Variants in RSPRY1 observed in about 807,000 individuals in gnomAD.
The protein encoded by RSPRY1 is ring finger and SPRY domain containing 1.
Under a neutral mutation model 73.1 loss-of-function variants are expected in RSPRY1, and 23 were observed. The observed-to-expected ratio is 0.31, with a 90% CI of 0.23 to 0.45. The LOEUF is 0.45. Ranked by LOEUF, RSPRY1 falls within the 20% of genes least tolerant of loss-of-function variation. The pLI is 1.00. For synonymous variants in RSPRY1, 226 were observed against 251.4 expected, an observed-to-expected ratio of 0.90 and a Z score of 0.95; for missense variants, 448 against 698.7, an observed-to-expected ratio of 0.64 and a Z score of 4.05.
chr16:57,204,558 C>T lies in RSPRY1; in HGVS notation c.-101C>T. On this transcript the variant is annotated 5_prime_UTR_variant, in exon 2 of 15. Transcript: ENST00000394420. The stretch of plus-strand genomic sequence containing the variant: ...TAGTTGATAATGTTGGGAATAAGCT[C>T]TGCAACTTTCTTTGGCATTCAGTTG... 1 of 1,027,716 alleles carries T rather than the reference C, an allele frequency of 9.7e-7. No homozygotes were observed. Among genetic ancestry groups the T allele is most frequent in the South Asian group, 1.5e-5 (1 of 68,856 alleles). The allele number at this position is 1,027,716 out of a possible 1,614,324, so 63.7% of individuals were successfully genotyped here.
At chr16:57,202,054 G>C (rs1176419787) in intron 1 of RSPRY1, among the ~76,000 whole-genome samples, 8 of 152,140 alleles carry the variant, frequency 5.3e-5, no homozygotes, top group Non-Finnish European at 1.0e-4. Context: ...GAGCAGGATA[G>C]CTCACACCCG....
intron 3 of RSPRY1, among the ~76,000 whole-genome samples, chr16:57,208,400 A>ATTTTTTT (rs1455912780): frequency 2.0e-5 from 1 of 50,132 alleles, no homozygotes; most frequent in Non-Finnish European, 3.4e-5. Flanking sequence ...ATATATATAT[A>ATTTTTTT]TTTTTTTTTT....
intron 11 of RSPRY1, among the ~76,000 whole-genome samples, chr16:57,228,547 G>A (rs1287592542): frequency 1.3e-5 from 2 of 151,486 alleles, no homozygotes; most frequent in African/African-American, 4.9e-5. Flanking sequence ...TTGAAAAATA[G>A]AAAAAAAATG....
chr16:57,209,711 T>C (rs2074798132), intron 4 of RSPRY1, among the ~76,000 whole-genome samples: 2 of 152,142 alleles, frequency 1.3e-5, no homozygotes, highest in African/African-American at 4.8e-5. Flanking sequence ...TCTCACTTTG[T>C]CACCCAGGCT....
In RSPRY1 at chr16:57,220,849, T is replaced by C. The variant is rs1193460652; in HGVS notation, c.1017+2T>C. 1 of 1,588,316 alleles carries C rather than the reference T, an allele frequency of 6.3e-7. No homozygotes were observed. The highest frequency in any genetic ancestry group is 8.6e-7 in the Non-Finnish European group (1 of 1,156,532). ...AAGATCTCACCTCATGGCTTAGAGG[T>C]AGGTAATGCTTCTACAGTTGGACCC... On this transcript the variant is annotated splice_donor_variant, in intron 9 of 14. Transcript: ENST00000394420. LOFTEE classifies it high-confidence loss of function.
intron 9 of RSPRY1, 125 bp downstream of exon 9, chr16:57,220,972 C>A: frequency 1.4e-6 from 1 of 734,690 alleles, no homozygotes; most frequent in Non-Finnish European, 2.3e-6. Flanking sequence ...ATGTTGCTGA[C>A]TTCAGGGGGA....
At chr16:57,195,508 G>A (rs1275888950) in intron 1 of RSPRY1, among the ~76,000 whole-genome samples, 10 of 152,024 alleles carry the variant, frequency 6.6e-5, no homozygotes, top group African/African-American at 9.7e-5. Flanking sequence ...GTGGAACTCC[G>A]TCTGAAAAAA....
intron 1 of RSPRY1, among the ~76,000 whole-genome samples, chr16:57,201,707 G>T (rs1427955942): frequency 6.6e-6 from 1 of 152,226 alleles, no homozygotes; most frequent in South Asian, 2.1e-4. Flanking sequence ...CTGCCATCCC[G>T]GCACCTCGGG....
chr16:57,226,230 A>G (rs781766249), intron 10 of RSPRY1, among the ~76,000 whole-genome samples: 1 of 152,338 alleles, frequency 6.6e-6, no homozygotes, highest in African/African-American at 2.4e-5. Context: ...AGTCTGCTAC[A>G]TGCAAGAAAG....
At chr16:57,191,227 ATGTGGTTTC>A (rs1368398055) in intron 1 of RSPRY1, among the ~76,000 whole-genome samples, 1 of 152,094 alleles carries the variant, frequency 6.6e-6, no homozygotes, top group Non-Finnish European at 1.5e-5. Context: ...GATTCTCAAG[ATGTGGTTTC>A]TGCCCAGTCC....
chr16:57,202,141 C>G (rs2074629380), intron 1 of RSPRY1, among the ~76,000 whole-genome samples: 1 of 150,680 alleles, frequency 6.6e-6, no homozygotes, highest in Non-Finnish European at 1.5e-5. Context: ...GGGAACATAG[C>G]AAGACCCCAT....
intron 2 of RSPRY1, chr16:57,205,283 T>C (rs2074703753): frequency 5.2e-6 from 2 of 381,622 alleles, no homozygotes; most frequent in South Asian, 3.1e-5. Flanking sequence ...AGAGTAAATA[T>C]GGAGTGAGTT....
chr16:57,199,866 T>C, intron 1 of RSPRY1, among the ~76,000 whole-genome samples: 1 of 148,576 alleles, frequency 6.7e-6, no homozygotes, highest in African/African-American at 2.5e-5. Flanking sequence ...ACTCCAAACC[T>C]CAGTTTACTC....
At chr16:57,222,181 A>C (rs1222970404) in intron 10 of RSPRY1, among the ~76,000 whole-genome samples, 1 of 152,176 alleles carries the variant, frequency 6.6e-6, no homozygotes, top group Non-Finnish European at 1.5e-5. Flanking sequence ...CCAATATGTA[A>C]GATCCTGGAA....
chr16:57,206,434 T>G (rs1320004430), intron 2 of RSPRY1, among the ~76,000 whole-genome samples: 2 of 152,210 alleles, frequency 1.3e-5, no homozygotes, highest in Non-Finnish European at 2.9e-5. Flanking sequence ...AAAAATTTTT[T>G]AAATCCCTTG....
intron 7 of RSPRY1, chr16:57,216,463 A>G (rs1295237219): frequency 5.2e-6 from 2 of 387,378 alleles, no homozygotes; most frequent in East Asian, 5.0e-5. Context: ...CTTGCCCATA[A>G]TCCCAGCACT....
At chr16:57,226,748 T>C (rs189743947) in intron 10 of RSPRY1, among the ~76,000 whole-genome samples, 178 of 152,352 alleles carry the variant, frequency 1.2e-3, no homozygotes, top group African/African-American at 4.1e-3. Context: ...GCAGGGTCTT[T>C]GTGACCTGTA....
intron 1 of RSPRY1, among the ~76,000 whole-genome samples, chr16:57,189,593 CTTTTT>C (rs544146883): frequency 3.9e-4 from 48 of 124,064 alleles, no homozygotes; most frequent in African/African-American, 1.3e-3. Flanking sequence ...CTTTTCTTTT[CTTTTT>C]TTTTTTTTTT....
intron 10 of RSPRY1, among the ~76,000 whole-genome samples, chr16:57,223,217 G>A (rs1221843721): frequency 6.6e-6 from 1 of 152,188 alleles, no homozygotes; most frequent in East Asian, 1.9e-4. Flanking sequence ...CAGACAGGGT[G>A]TGATTCTATG....
Sources: gnomAD v4.1 joint callset for allele counts (sites outside exome capture counted in the v4.1 genomes callset) on GRCh38, gnomAD v4.1.1 for gene constraint, MANE v1.5 for transcripts, NCBI Gene and HGNC (gene_info 2026-07-23, HGNC 2026-07-21) for gene names.